The following STOX1 variants were observed in gnomAD, a reference collection of about 807,000 sequenced individuals.
STOX1 encodes storkhead box 1.
Under a neutral mutation model 74.8 loss-of-function variants are expected in STOX1, and 57 were observed. The ratio of observed to expected loss-of-function variants is 0.76; its 90% CI spans 0.62 to 0.95. The LOEUF is 0.95. Ranked by LOEUF, STOX1 falls within the 40% of genes least tolerant of loss-of-function variation. The pLI, the probability that STOX1 is intolerant of heterozygous loss-of-function variation, is 0.00. For missense variants in STOX1, 1,010 were observed against 1,117.0 expected (o/e 0.90, Z 1.37); for synonymous variants, 375 against 401.3 (o/e 0.93, Z 0.78).
At chr10:68,889,810 G>A (rs7079736) in intron 3 of STOX1, among the ~76,000 whole-genome samples, 9,045 of 151,400 alleles carry the variant, frequency 0.06, 875 homozygotes, top group African/African-American at 0.2. Context: ...TGATCCACTC[G>A]TCTCAGCCTC....
At chr10:68,878,497 T>A (rs1465233250) in intron 1 of STOX1, among the ~76,000 whole-genome samples, 1 of 152,010 alleles carries the variant, frequency 6.6e-6, no homozygotes, top group Non-Finnish European at 1.5e-5. Flanking sequence ...CTTTTCAGAG[T>A]GGTATAGGCC....
intron 1 of STOX1, among the ~76,000 whole-genome samples, chr10:68,839,179 A>G (rs1040957061): frequency 4.6e-5 from 7 of 152,216 alleles, no homozygotes; most frequent in Admixed American, 3.3e-4. Flanking sequence ...AGGAAAAACA[A>G]TTCTAAAATT....
chr10:68,859,796 C>T (rs1589225969), intron 1 of STOX1, among the ~76,000 whole-genome samples: 4 of 151,982 alleles, frequency 2.6e-5, no homozygotes, highest in African/African-American at 9.7e-5. Flanking sequence ...CTTGGCTCAG[C>T]AAGGCTGTCT....
intron 1 of STOX1, chr10:68,828,337 G>C: frequency 9.3e-7 from 1 of 1,070,440 alleles, no homozygotes; most frequent in Non-Finnish European, 1.2e-6. Context: ...CGCGCTGCAG[G>C]GGCGAGCGCG....
At chr10:68,876,614 CCTAAACA>C (rs756847911) in intron 1 of STOX1, among the ~76,000 whole-genome samples, 2 of 152,138 alleles carry the variant, frequency 1.3e-5, no homozygotes, top group Non-Finnish European at 2.9e-5. Context: ...AGTCTTTCAG[CCTAAACA>C]CTTTTTTCAT....
chr10:68,894,678 A>G (rs182269932), downstream of STOX1, among the ~76,000 whole-genome samples: 7 of 152,328 alleles, frequency 4.6e-5, no homozygotes, highest in Admixed American at 3.9e-4. Flanking sequence ...GGGGGGTCTC[A>G]CAGCATGGAA....
chr10:68,836,195 A>G (rs73266429), intron 1 of STOX1, among the ~76,000 whole-genome samples: 2,405 of 152,210 alleles, frequency 0.016, 71 homozygotes, highest in African/African-American at 0.054. Context: ...TTGTGCTGCT[A>G]TTTATTAGCT....
In STOX1 at chr10:68,886,591, C is replaced by G. The variant is rs762520506; in HGVS notation, c.2795C>G (p.Ala932Gly). 1 of 1,614,132 alleles carries G rather than the reference C, an allele frequency of 6.2e-7. No homozygotes were observed. Among genetic ancestry groups the G allele is most frequent in the Non-Finnish European group, 8.5e-7 (1 of 1,180,016 alleles). Residue 932 changes from alanine (A) to glycine (G), a missense_variant, in exon 3 of 4, where the codon GCA (alanine) becomes GGA (glycine). Ala to Gly is a moderately conservative substitution (Grantham distance 60). Coordinates refer to ENST00000298596, the MANE Select transcript of STOX1 (RefSeq NM_152709.5). ...HLEGTENHSMAGDSGIDSPRT... is the reference protein window; with the variant it reads ...HLEGTENHSMGGDSGIDSPRT... ...GAAGGGACAGAAAATCACAGCATGG[C>G]AGGAGATAGTGGAATAGATTCTCCA... is the stretch of plus-strand genomic sequence containing the variant.
intron 1 of STOX1, among the ~76,000 whole-genome samples, chr10:68,831,676 G>A (rs1354640000): frequency 1.3e-5 from 2 of 152,120 alleles, no homozygotes; most frequent in Admixed American, 6.6e-5. Flanking sequence ...TAGCCAAGCC[G>A]ACTGGAGTGA....
intron 1 of STOX1, among the ~76,000 whole-genome samples, chr10:68,849,905 A>ATC (rs2133533077): frequency 6.6e-6 from 1 of 152,306 alleles, no homozygotes; most frequent in African/African-American, 2.4e-5. Context: ...ACCCTAAGAA[A>ATC]GATACGGCTT....
At chr10:68,842,991 G>T (rs904180596) in intron 1 of STOX1, among the ~76,000 whole-genome samples, 1 of 152,062 alleles carries the variant, frequency 6.6e-6, no homozygotes. Flanking sequence ...GTCTGGCAAC[G>T]CATGGCTGAC....
chr10:68,869,088 C>G (rs1200897046), intron 1 of STOX1, among the ~76,000 whole-genome samples: 2 of 152,240 alleles, frequency 1.3e-5, no homozygotes, highest in Non-Finnish European at 2.9e-5. Context: ...TCTGGCTCTT[C>G]TTCCTCGTGA....
At position 68,838,900 on chromosome 10, in the gene STOX1, ACT is replaced by A. The variant is rs367881081; in HGVS notation, c.310+10970_310+10971del. ...ACTCCAGCCTGGGCAACAGAGCGAG[ACT>A]CTGTCTCAAAAAAAAAAAAAAAGAA... On this transcript the variant is annotated intron_variant, in intron 1 of 3. Transcript: ENST00000298596. 8.4e-3 allele frequency among the ~76,000 whole-genome samples: 1,217 copies of A among 144,206 alleles called. 17 individuals are homozygous for A. The highest frequency in any genetic ancestry group is 0.03 in the African/African-American group (1,131 of 38,298). The allele number at this position is 144,206 out of a possible 152,430, so 94.6% of individuals were successfully genotyped here.
chr10:68,874,142 C>CA (rs1196351805), intron 1 of STOX1, among the ~76,000 whole-genome samples: 1 of 148,216 alleles, frequency 6.7e-6, no homozygotes, highest in Non-Finnish European at 1.5e-5. Flanking sequence ...AAACAATAGC[C>CA]AAAAAAGTTA....
At chr10:68,864,682 GTTGGA>G (rs1386570447) in intron 1 of STOX1, among the ~76,000 whole-genome samples, 1 of 152,182 alleles carries the variant, frequency 6.6e-6, no homozygotes, top group Non-Finnish European at 1.5e-5. Flanking sequence ...TGAATGATAA[GTTGGA>G]AAAATTAGCA....
chr10:68,865,063 T>C (rs1321006026), intron 1 of STOX1, among the ~76,000 whole-genome samples: 1 of 152,206 alleles, frequency 6.6e-6, no homozygotes, highest in African/African-American at 2.4e-5. Context: ...ATTTTGCAAG[T>C]GATCATAATA....
chr10:68,873,641 C>CT (rs1306258176), intron 1 of STOX1, among the ~76,000 whole-genome samples: 10 of 70,290 alleles, frequency 1.4e-4, no homozygotes, highest in Non-Finnish European at 3.0e-4. Context: ...TCTTCTTCTT[C>CT]TTTTTTTTTC....
intron 1 of STOX1, chr10:68,828,940 A>G: frequency 1.0e-6 from 1 of 985,170 alleles, no homozygotes; most frequent in Non-Finnish European, 1.2e-6. Context: ...TCATTTGAGA[A>G]ACTAAACCAC....
intron 3 of STOX1, among the ~76,000 whole-genome samples, chr10:68,890,568 T>G (rs894142433): frequency 6.6e-6 from 1 of 152,264 alleles, no homozygotes; most frequent in Admixed American, 6.5e-5. Flanking sequence ...CATTTCTGAG[T>G]TTTTTTCTTA....
Sources: gnomAD v4.1 joint callset for allele counts (sites outside exome capture counted in the v4.1 genomes callset) on GRCh38, gnomAD v4.1.1 for gene constraint, MANE v1.5 for transcripts, NCBI Gene and HGNC (gene_info 2026-07-23, HGNC 2026-07-21) for gene names.